IMMP2L: variants seen among roughly 807,000 people sequenced by gnomAD.
IMMP2L encodes the protein inner mitochondrial membrane peptidase subunit 2, also known as mitochondrial inner membrane protease subunit 2.
In IMMP2L, 18 loss-of-function variants were observed where a neutral mutation model predicts 19.3. That is an observed-to-expected ratio of 0.93 (90% CI 0.64 to 1.38). The LOEUF (loss-of-function observed/expected upper bound fraction) is 1.38. IMMP2L is among the 40% of genes most tolerant of loss of function. The probability of loss-of-function intolerance (pLI) is 0.00; values close to 1 mark genes in which losing one functional copy is unlikely to be tolerated. For synonymous variants in IMMP2L, 76 were observed against 73.0 expected, an observed-to-expected ratio of 1.04 and a Z score of -0.21; for missense variants, 233 against 218.2, an observed-to-expected ratio of 1.07 and a Z score of -0.43.
At chr7:111,243,331 G>T (rs1012557381) in intron 3 of IMMP2L, among the ~76,000 whole-genome samples, 26 of 151,936 alleles carry the variant, frequency 1.7e-4, no homozygotes, top group Non-Finnish European at 3.1e-4. Flanking sequence ...TGACATAACT[G>T]AGGCATGTTG....
intron 5 of IMMP2L, among the ~76,000 whole-genome samples, chr7:110,861,160 A>G (rs1458091802): frequency 6.6e-6 from 1 of 151,708 alleles, no homozygotes; most frequent in Non-Finnish European, 1.5e-5. Context: ...ACAGAGAGAC[A>G]GATCTACTGT....
intron 5 of IMMP2L, among the ~76,000 whole-genome samples, chr7:110,832,289 A>C (rs1051707330): frequency 6.6e-6 from 1 of 150,708 alleles, no homozygotes; most frequent in African/African-American, 2.4e-5. Flanking sequence ...AAACAAAAAA[A>C]CCCTACTCTG....
At chr7:111,187,052 C>T (rs1808348332) in intron 3 of IMMP2L, among the ~76,000 whole-genome samples, 1 of 151,946 alleles carries the variant, frequency 6.6e-6, no homozygotes, top group Non-Finnish European at 1.5e-5. Flanking sequence ...TAAATGAATA[C>T]ACCTTTACAC....
At chr7:111,437,369 C>T (rs1438796840) in intron 3 of IMMP2L, among the ~76,000 whole-genome samples, 6 of 151,806 alleles carry the variant, frequency 4.0e-5, no homozygotes, top group East Asian at 3.9e-4. Flanking sequence ...CGCTTGAACC[C>T]GGGAGACAGA....
At chr7:111,393,074 G>T (rs1563137855) in intron 3 of IMMP2L, among the ~76,000 whole-genome samples, 1 of 151,996 alleles carries the variant, frequency 6.6e-6, no homozygotes, top group East Asian at 1.9e-4. Context: ...CCTCCCCAGA[G>T]GTTGTCACAT....
At chr7:111,484,130 T>C (rs939512013) in intron 3 of IMMP2L, among the ~76,000 whole-genome samples, 1 of 152,194 alleles carries the variant, frequency 6.6e-6, no homozygotes, top group Non-Finnish European at 1.5e-5. Flanking sequence ...CCCTTCCTTA[T>C]ACCACCTACC....
At chr7:111,050,285 C>A (rs1015730663) in intron 3 of IMMP2L, among the ~76,000 whole-genome samples, 2 of 152,156 alleles carry the variant, frequency 1.3e-5, no homozygotes, top group East Asian at 3.8e-4. Flanking sequence ...GCCAAATTCA[C>A]CATATTTAAA....
chr7:111,441,678 C>T (rs1003993368), intron 3 of IMMP2L, among the ~76,000 whole-genome samples: 2 of 148,034 alleles, frequency 1.4e-5, no homozygotes, highest in South Asian at 2.1e-4. Context: ...ATGGTCCCAA[C>T]GGACTTCCTT....
chr7:110,926,253 T>G (rs951001479), intron 4 of IMMP2L, among the ~76,000 whole-genome samples: 10 of 152,222 alleles, frequency 6.6e-5, no homozygotes, highest in South Asian at 2.1e-4. Flanking sequence ...TCTTTTTAAA[T>G]AGGAAGGATT....
chr7:111,459,848 T>C (rs972390189), intron 3 of IMMP2L, among the ~76,000 whole-genome samples: 1 of 152,182 alleles, frequency 6.6e-6, no homozygotes, highest in African/African-American at 2.4e-5. Flanking sequence ...AAGTGTGCAC[T>C]GTCATTCCTA....
At chr7:110,670,535 C>A (rs1192049946) in intron 5 of IMMP2L, among the ~76,000 whole-genome samples, 1 of 151,866 alleles carries the variant, frequency 6.6e-6, no homozygotes, top group Non-Finnish European at 1.5e-5. Context: ...ACTAAAAATA[C>A]AAAAATTAGC....
chr7:111,116,970 C>A (rs1799951472), intron 3 of IMMP2L, among the ~76,000 whole-genome samples: 1 of 152,078 alleles, frequency 6.6e-6, no homozygotes, highest in Non-Finnish European at 1.5e-5. Context: ...GTGCTCTAAT[C>A]GAGGCAATTT....
At chr7:111,071,278 A>G (rs1024286362) in intron 3 of IMMP2L, among the ~76,000 whole-genome samples, 4 of 152,202 alleles carry the variant, frequency 2.6e-5, no homozygotes, top group African/African-American at 9.6e-5. Context: ...ACCCTCATAC[A>G]TAGCTGGTGG....
At chr7:110,926,902 G>A (rs1030734612) in intron 4 of IMMP2L, among the ~76,000 whole-genome samples, 1 of 152,124 alleles carries the variant, frequency 6.6e-6, no homozygotes, top group East Asian at 1.9e-4. Flanking sequence ...AGGGGACACT[G>A]TAAATCTTTT....
At chr7:110,729,944 T>A (rs187478410) in intron 5 of IMMP2L, among the ~76,000 whole-genome samples, 20,908 of 141,060 alleles carry the variant, frequency 0.15, 3,239 homozygotes, top group African/African-American at 0.39. Flanking sequence ...TTTTTTTTTT[T>A]AAAAAGCAAC....
intron 3 of IMMP2L, among the ~76,000 whole-genome samples, chr7:111,469,184 A>G (rs1840972723): frequency 1.3e-5 from 2 of 152,258 alleles, no homozygotes; most frequent in South Asian, 4.2e-4. Flanking sequence ...GAAGTCAGGT[A>G]GCGTGATGCC....
intron 3 of IMMP2L, among the ~76,000 whole-genome samples, chr7:111,220,691 G>A (rs894303240): frequency 6.6e-6 from 1 of 151,766 alleles, no homozygotes; most frequent in Admixed American, 6.6e-5. Flanking sequence ...TTACTGTAAG[G>A]TATAGGCTCA....
chr7:111,192,111 T>C (rs939705760), intron 3 of IMMP2L, among the ~76,000 whole-genome samples: 7 of 152,094 alleles, frequency 4.6e-5, no homozygotes, highest in Non-Finnish European at 8.8e-5. Flanking sequence ...TGTACCCAAG[T>C]GGAAGAGAGA....
intron 3 of IMMP2L, among the ~76,000 whole-genome samples, chr7:111,284,672 G>A (rs530030855): frequency 1.3e-5 from 2 of 152,158 alleles, no homozygotes; most frequent in Non-Finnish European, 2.9e-5. Flanking sequence ...AAGAAAGGTT[G>A]CAGGCACTGA....
Sources: allele counts gnomAD v4.1 joint callset (sites outside exome capture counted in the v4.1 genomes callset), GRCh38; gene constraint gnomAD v4.1.1; transcripts MANE v1.5; gene names NCBI Gene and HGNC (gene_info 2026-07-23, HGNC 2026-07-21).